The following NEGR1 variants were observed in gnomAD, a reference collection of about 807,000 sequenced individuals.
The protein encoded by NEGR1 is IgLON family member 4.
Under a neutral mutation model 40.9 loss-of-function variants are expected in NEGR1, and 10 were observed. The observed-to-expected ratio is 0.24, with a 90% CI of 0.15 to 0.42. The LOEUF (loss-of-function observed/expected upper bound fraction) is 0.42, where lower values mean the gene tolerates loss of function less well. NEGR1 is among the 10% of genes least tolerant of loss of function. NEGR1 has a pLI of 1.00. For synonymous variants in NEGR1, 185 were observed against 166.8 expected (o/e 1.11, Z -0.84); for missense variants, 352 against 438.9 (o/e 0.80, Z 1.77).
chr1:71,823,825 A>G (rs1658520592), intron 2 of NEGR1, among the ~76,000 whole-genome samples: 1 of 152,094 alleles, frequency 6.6e-6, no homozygotes, highest in African/African-American at 2.4e-5. Flanking sequence ...TTTACGGCCA[A>G]CGCCGCCTAT....
intron 3 of NEGR1, among the ~76,000 whole-genome samples, chr1:71,749,320 C>T (rs183669248): frequency 1.3e-5 from 2 of 152,220 alleles, no homozygotes; most frequent in East Asian, 3.9e-4. Context: ...TTTATATAGG[C>T]AAACTATTCA....
chr1:71,536,262 A>T (rs183444878), intron 6 of NEGR1, among the ~76,000 whole-genome samples: 1 of 151,706 alleles, frequency 6.6e-6, no homozygotes, highest in South Asian at 2.1e-4. Flanking sequence ...GTTTTGCTTC[A>T]CCAAGTTCCA....
At chr1:71,757,723 TG>T (rs1655791113) in intron 3 of NEGR1, among the ~76,000 whole-genome samples, 1 of 152,136 alleles carries the variant, frequency 6.6e-6, no homozygotes, top group Non-Finnish European at 1.5e-5. Flanking sequence ...GAAATCATTC[TG>T]GTGATTGCCC....
At chr1:72,023,246 G>A (rs1055817396) in intron 1 of NEGR1, among the ~76,000 whole-genome samples, 9 of 152,168 alleles carry the variant, frequency 5.9e-5, no homozygotes, top group African/African-American at 2.2e-4. Flanking sequence ...TGTTGTGGCA[G>A]TGGTGATTGT....
intron 2 of NEGR1, among the ~76,000 whole-genome samples, chr1:71,783,739 C>A (rs1408423922): frequency 6.6e-6 from 1 of 152,116 alleles, no homozygotes; most frequent in Non-Finnish European, 1.5e-5. Flanking sequence ...ATTTAGGATA[C>A]CTATGCACGA....
intron 1 of NEGR1, among the ~76,000 whole-genome samples, chr1:72,147,953 C>G (rs1376845397): frequency 1.3e-5 from 2 of 152,126 alleles, no homozygotes; most frequent in Non-Finnish European, 2.9e-5. Context: ...TAGCAGGGTA[C>G]AGCCTCCCTC....
intron 1 of NEGR1, among the ~76,000 whole-genome samples, chr1:72,013,367 G>A (rs1027159550): frequency 3.9e-5 from 6 of 152,022 alleles, no homozygotes; most frequent in Non-Finnish European, 8.8e-5. Context: ...AGGGAACCTC[G>A]GAGAACAGTC....
At chr1:71,875,239 A>T (rs984720695) in intron 2 of NEGR1, among the ~76,000 whole-genome samples, 2 of 152,218 alleles carry the variant, frequency 1.3e-5, no homozygotes, top group African/African-American at 4.8e-5. Context: ...AATCTTGTAC[A>T]TACAATTTTA....
At position 71,962,772 on chromosome 1, in the gene NEGR1, T is replaced by A. The variant is rs11209877; in HGVS notation, c.177-27461A>T. Among the ~76,000 whole-genome samples, 288 of 75,100 alleles carry A rather than the reference T, an allele frequency of 3.8e-3. 1 individual carries two copies. Among genetic ancestry groups the A allele is most frequent in the African/African-American group, 0.017 (198 of 11,330 alleles). The allele number at this position is 75,100 out of a possible 152,430, so 49.3% of individuals were successfully genotyped here. A position where few individuals can be genotyped will look rare whatever the true frequency, so the allele number is the denominator to read the frequency against. On this transcript the variant is annotated intron_variant, in intron 1 of 6. Transcript: ENST00000357731. ...TTTACTCTGTCTAAATTCTCCAAGT[T>A]TTTTTTTTTTTCTGTAAGTATATCT...
intron 6 of NEGR1, among the ~76,000 whole-genome samples, chr1:71,485,499 G>C (rs1362679674): frequency 6.6e-6 from 1 of 151,336 alleles, no homozygotes; most frequent in African/African-American, 2.4e-5. Context: ...ACACTATCTG[G>C]GTTTGGACAA....
intron 6 of NEGR1, among the ~76,000 whole-genome samples, chr1:71,534,727 T>C (rs1164983903): frequency 1.3e-5 from 2 of 151,670 alleles, no homozygotes; most frequent in African/African-American, 2.4e-5. Context: ...ACAAATAATA[T>C]TTAAATTCCT....
At chr1:72,100,523 C>T (rs1325239935) in intron 1 of NEGR1, among the ~76,000 whole-genome samples, 1 of 152,174 alleles carries the variant, frequency 6.6e-6, no homozygotes, top group Non-Finnish European at 1.5e-5. Flanking sequence ...ATAATCTGGA[C>T]TAACAGTGAC....
intron 4 of NEGR1, among the ~76,000 whole-genome samples, chr1:71,644,614 A>G (rs1483402033): frequency 6.6e-6 from 1 of 151,990 alleles, no homozygotes; most frequent in Non-Finnish European, 1.5e-5. Context: ...AATAAATATA[A>G]TAGGTGTGTG....
intron 2 of NEGR1, among the ~76,000 whole-genome samples, chr1:71,779,311 A>C (rs1557649374): frequency 1.3e-5 from 2 of 152,218 alleles, no homozygotes; most frequent in South Asian, 2.1e-4. Flanking sequence ...GAAATGCAAA[A>C]GTTTAAAGGC....
intron 4 of NEGR1, among the ~76,000 whole-genome samples, chr1:71,668,549 G>T (rs1652315166): frequency 6.6e-6 from 1 of 152,086 alleles, no homozygotes; most frequent in African/African-American, 2.4e-5. Context: ...AGCTTCATTG[G>T]TACTGGAAAT....
At chr1:71,698,258 G>A (rs1484462125) in intron 3 of NEGR1, 119 bp from the exon 4 acceptor site, 3 of 859,656 alleles carry the variant, frequency 3.5e-6, no homozygotes, top group African/African-American at 1.7e-5. Flanking sequence ...ATGAAACTGG[G>A]GAATTATTAA....
At chr1:71,772,314 G>A (rs1437195743) in intron 3 of NEGR1, among the ~76,000 whole-genome samples, 1 of 152,064 alleles carries the variant, frequency 6.6e-6, no homozygotes, top group Admixed American at 6.5e-5. Context: ...TGAGGTGGGA[G>A]CATCACTTAA....
chr1:71,935,283 C>G lies in NEGR1; in HGVS notation c.205G>C (p.Gly69Arg). 1.2e-6 allele frequency: 2 copies of G among 1,613,672 alleles called. No homozygotes were observed. The highest frequency in any genetic ancestry group is 1.1e-5 in the South Asian group (1 of 91,068). The change falls in exon 2 of 7, where the codon GGT becomes CGT. Residue 69 changes from glycine (G) to arginine (R), a missense_variant. Around this residue, in one of 5 missense-constraint regions of NEGR1, gnomAD observed 81 missense variants for 85.8 expected, o/e 0.94. Transcript: ENST00000357731. ...ATACTTGACCGGTTCAGCCAGGCAC[C>G]CTTTGAAGCTCCATCTTCCAAATAA... ...RCYLEDGASK[G>R]AWLNRSSIIF...
chr1:71,687,313 A>C (rs995689795), intron 4 of NEGR1, among the ~76,000 whole-genome samples: 2 of 152,182 alleles, frequency 1.3e-5, no homozygotes, highest in Non-Finnish European at 2.9e-5. Flanking sequence ...TCTTATAAAC[A>C]TGGAACACAC....
Sources: allele counts gnomAD v4.1 joint callset (sites outside exome capture counted in the v4.1 genomes callset), GRCh38; gene constraint gnomAD v4.1.1; regional missense constraint gnomAD v4.1.1; transcripts MANE v1.5; gene names NCBI Gene and HGNC (gene_info 2026-07-23, HGNC 2026-07-21).